PARD3B: variants seen among roughly 807,000 people sequenced by gnomAD.
The protein encoded by PARD3B is partitioning defective 3 homolog B.
Under a neutral mutation model 130.2 loss-of-function variants are expected in PARD3B, and 103 were observed. The ratio of observed to expected loss-of-function variants is 0.79; its 90% CI spans 0.67 to 0.93. PARD3B has a LOEUF of 0.93. Ranked by LOEUF, PARD3B falls within the 40% of genes least tolerant of loss-of-function variation. The pLI is 0.00. For synonymous variants in PARD3B, 583 were observed against 553.2 expected (o/e 1.05, Z -0.76); for missense variants, 1,609 against 1,499.2 (o/e 1.07, Z -1.21).
At chr2:205,387,803 C>T (rs892143661) in intron 18 of PARD3B, among the ~76,000 whole-genome samples, 3 of 152,152 alleles carry the variant, frequency 2.0e-5, no homozygotes, top group Non-Finnish European at 4.4e-5. Context: ...GTTGCAGATG[C>T]TCTGGGTAAT....
chr2:204,741,871 A>C (rs1420061200), intron 2 of PARD3B, among the ~76,000 whole-genome samples: 4 of 152,058 alleles, frequency 2.6e-5, no homozygotes, highest in Non-Finnish European at 5.9e-5. Context: ...TTTTTCTTAA[A>C]GGATTCAGCA....
chr2:204,684,858 AT>A (rs2037003967), intron 1 of PARD3B, among the ~76,000 whole-genome samples: 1 of 152,182 alleles, frequency 6.6e-6, no homozygotes, highest in Non-Finnish European at 1.5e-5. Flanking sequence ...TTTACTTGAA[AT>A]TCAATACTGT....
chr2:204,752,752 T>G (rs886352642), intron 2 of PARD3B, among the ~76,000 whole-genome samples: 3 of 152,164 alleles, frequency 2.0e-5, no homozygotes, highest in Non-Finnish European at 4.4e-5. Context: ...TTATATTAAA[T>G]GGCCTATCTC....
At chr2:204,972,980 T>C (rs1691836677) in intron 3 of PARD3B, among the ~76,000 whole-genome samples, 1 of 152,202 alleles carries the variant, frequency 6.6e-6, no homozygotes, top group Non-Finnish European at 1.5e-5. Flanking sequence ...CTTCTTGTAG[T>C]TCCCCTGACC....
At chr2:205,225,390 G>A (rs902113324) in intron 15 of PARD3B, among the ~76,000 whole-genome samples, 1 of 151,918 alleles carries the variant, frequency 6.6e-6, no homozygotes. Flanking sequence ...ATACCTGTTT[G>A]CCATTTTTAT....
intron 1 of PARD3B, among the ~76,000 whole-genome samples, chr2:204,644,551 C>G (rs892831204): frequency 6.6e-6 from 1 of 151,968 alleles, no homozygotes; most frequent in South Asian, 2.1e-4. Context: ...AATATGTGGT[C>G]TCTTTCAAAA....
intron 3 of PARD3B, among the ~76,000 whole-genome samples, chr2:204,988,005 T>A (rs775356423): frequency 3.3e-5 from 5 of 151,978 alleles, no homozygotes; most frequent in Admixed American, 2.0e-4. Context: ...GATGAAAATA[T>A]GGCAAAAGAG....
intron 4 of PARD3B, among the ~76,000 whole-genome samples, chr2:205,073,498 T>C (rs1700866161): frequency 6.6e-6 from 1 of 152,208 alleles, no homozygotes; most frequent in Non-Finnish European, 1.5e-5. Flanking sequence ...CAAATGTATA[T>C]AGTAACCTTG....
chr2:204,672,166 T>A (rs2036335948), intron 1 of PARD3B, among the ~76,000 whole-genome samples: 1 of 152,220 alleles, frequency 6.6e-6, no homozygotes, highest in Non-Finnish European at 1.5e-5. Flanking sequence ...TCATTCGCAT[T>A]CCTGAAGTAG....
intron 10 of PARD3B, among the ~76,000 whole-genome samples, chr2:205,136,718 C>T (rs1294961902): frequency 3.3e-5 from 5 of 152,140 alleles, no homozygotes; most frequent in Non-Finnish European, 7.3e-5. Flanking sequence ...AACAGAAAAA[C>T]GGCCACCCAA....
At chr2:205,247,713 C>CA (rs749958687) in intron 16 of PARD3B, among the ~76,000 whole-genome samples, 29 of 152,146 alleles carry the variant, frequency 1.9e-4, no homozygotes, top group Non-Finnish European at 3.2e-4. Flanking sequence ...AAATAACCAG[C>CA]CACTTGATAA....
intron 2 of PARD3B, among the ~76,000 whole-genome samples, chr2:204,877,535 T>C (rs2045891860): frequency 6.6e-6 from 1 of 152,110 alleles, no homozygotes; most frequent in Non-Finnish European, 1.5e-5. Context: ...AACTATAAGG[T>C]CCTGGAACCA....
intron 10 of PARD3B, among the ~76,000 whole-genome samples, chr2:205,131,567 A>G (rs1033244416): frequency 1.3e-5 from 2 of 152,210 alleles, no homozygotes; most frequent in African/African-American, 2.4e-5. Flanking sequence ...AAGAAGAGTG[A>G]TAAGTGGATC....
rs1450146102 is a variant in PARD3B at position 204,584,935 on chromosome 2, G to T, written c.120+38816G>T. 3.3e-5 allele frequency among the ~76,000 whole-genome samples: 5 copies of T among 152,310 alleles called. 1 individual carries two copies. The highest frequency in any genetic ancestry group is 6.8e-3 in the Middle Eastern group (2 of 294). On this transcript the variant is annotated intron_variant, in intron 1 of 22. Transcript: ENST00000406610. ...GTGAGGAACTCAGAGACCAGCAACA[G>T]CAGGAAGCAACTGCATCATCCGTAG...
intron 15 of PARD3B, among the ~76,000 whole-genome samples, chr2:205,222,748 T>A (rs372066074): frequency 6.6e-6 from 1 of 152,168 alleles, no homozygotes; most frequent in African/African-American, 2.4e-5. Flanking sequence ...TCATGAAAGC[T>A]TTTACAATTT....
chr2:204,907,964 A>C lies in PARD3B; in HGVS notation c.223-57188A>C, dbSNP rs149218466. Reference sequence around the variant, plus strand: ...TGACCTGCCTGCCTCAGCCTCCCAAAGTGCTGGAATTGCGGGCATGAGCCA... The same window carrying C: ...TGACCTGCCTGCCTCAGCCTCCCAACGTGCTGGAATTGCGGGCATGAGCCA... On this transcript the variant is annotated intron_variant, in intron 2 of 22. Transcript: ENST00000406610. The surrounding 1 kb of genome is among the most constrained non-coding windows in gnomAD (Gnocchi z 5.7). Among the ~76,000 whole-genome samples, 342 of 152,260 alleles carry C rather than the reference A, an allele frequency of 2.2e-3. 1 individual carries two copies. Among genetic ancestry groups the C allele is most frequent in the African/African-American group, 7.8e-3 (323 of 41,556 alleles).
In PARD3B at chr2:205,405,650, C is replaced by T. The variant is rs146442613; in HGVS notation, c.2741+4527C>T. Among the ~76,000 whole-genome samples, 6 of 152,250 alleles carry T rather than the reference C, an allele frequency of 3.9e-5. No individual in the cohort carries two copies. The highest frequency in any genetic ancestry group is 7.2e-5 in the African/African-American group (3 of 41,544). On this transcript the variant is annotated intron_variant, in intron 19 of 22. Coordinates refer to ENST00000406610, the MANE Select transcript of PARD3B (RefSeq NM_001302769.2). This position sits in a 1 kb window ranked among gnomAD's most constrained non-coding sequence, Gnocchi z 4.1. ...TTTTTAACCTTGGCCTGCTGAGCATCGGCGTTAGTGATGGTGACCCGTTGA... is the reference window on the plus strand; with the variant it reads ...TTTTTAACCTTGGCCTGCTGAGCATTGGCGTTAGTGATGGTGACCCGTTGA...
intron 16 of PARD3B, among the ~76,000 whole-genome samples, chr2:205,277,800 G>C (rs1452979212): frequency 6.6e-6 from 1 of 152,186 alleles, no homozygotes; most frequent in Non-Finnish European, 1.5e-5. Flanking sequence ...TCATCCCGAG[G>C]AGTTTGGACC....
intron 18 of PARD3B, among the ~76,000 whole-genome samples, chr2:205,392,756 T>C (rs892904402): frequency 6.6e-6 from 1 of 152,164 alleles, no homozygotes; most frequent in South Asian, 2.1e-4. Context: ...AGCCCTACTG[T>C]TGTGAAAAGC....
Sources: gnomAD v4.1 joint callset for allele counts (sites outside exome capture counted in the v4.1 genomes callset) on GRCh38, gnomAD v4.1.1 for gene constraint, Gnocchi (gnomAD v3.1) non-coding constraint, MANE v1.5 for transcripts, NCBI Gene and HGNC (gene_info 2026-07-23, HGNC 2026-07-21) for gene names.